The following TMEM117 variants were observed in gnomAD, a reference collection of about 807,000 sequenced individuals.
TMEM117 encodes transmembrane protein 117.
TMEM117 carries 27 observed loss-of-function variants against 52.4 expected under a neutral mutation model. The ratio of observed to expected loss-of-function variants is 0.51; its 90% CI spans 0.38 to 0.71. TMEM117 has a LOEUF of 0.71. TMEM117 is among the 30% of genes least tolerant of loss of function. The pLI, the probability that TMEM117 is intolerant of heterozygous loss-of-function variation, is 0.00. For synonymous variants in TMEM117, 215 were observed against 206.3 expected (o/e 1.04, Z -0.36); for missense variants, 556 against 630.5 (o/e 0.88, Z 1.26).
intron 2 of TMEM117, among the ~76,000 whole-genome samples, chr12:43,882,928 C>T (rs1433374454): frequency 1.3e-5 from 2 of 152,176 alleles, no homozygotes; most frequent in Non-Finnish European, 2.9e-5. Context: ...AAGCTCATCT[C>T]AGTTCTGGGA....
intron 3 of TMEM117, among the ~76,000 whole-genome samples, chr12:43,983,308 T>A (rs995202117): frequency 1.1e-4 from 17 of 152,130 alleles, no homozygotes; most frequent in African/African-American, 2.2e-4. Flanking sequence ...ATTCTTAAAC[T>A]TCTGTTTGTG....
At chr12:44,022,380 C>T (rs1354404736) in intron 3 of TMEM117, among the ~76,000 whole-genome samples, 1 of 152,110 alleles carries the variant, frequency 6.6e-6, no homozygotes, top group Non-Finnish European at 1.5e-5. Flanking sequence ...AAATTCTGGC[C>T]TCATGACTTG....
At chr12:44,330,545 CA>C (rs1951255848) in intron 6 of TMEM117, among the ~76,000 whole-genome samples, 1 of 151,994 alleles carries the variant, frequency 6.6e-6, no homozygotes, top group African/African-American at 2.4e-5. Context: ...AGATATTTTA[CA>C]TTTTTTTCAT....
intron 1 of TMEM117, among the ~76,000 whole-genome samples, chr12:43,841,682 G>A (rs1943118188): frequency 6.6e-6 from 1 of 152,220 alleles, no homozygotes; most frequent in African/African-American, 2.4e-5. Context: ...AAGATTATAT[G>A]TATTGGAATT....
At chr12:44,252,539 C>G (rs764917934) in intron 5 of TMEM117, among the ~76,000 whole-genome samples, 19 of 152,068 alleles carry the variant, frequency 1.2e-4, no homozygotes, top group Admixed American at 3.3e-4. Context: ...AAACAAAAAG[C>G]AAAGATTCAG....
chr12:43,928,734 TCCCTCCC>T (rs1944822997), intron 2 of TMEM117, among the ~76,000 whole-genome samples: 1 of 115,644 alleles, frequency 8.6e-6, no homozygotes, highest in Admixed American at 9.6e-5. Flanking sequence ...CCCAATGCTA[TCCCTCCC>T]CCCTCCCCCC....
chr12:43,896,346 C>A (rs1944201803), intron 2 of TMEM117, among the ~76,000 whole-genome samples: 1 of 152,234 alleles, frequency 6.6e-6, no homozygotes, highest in South Asian at 2.1e-4. Context: ...TTATTAAAAT[C>A]TTAGTCATTT....
intron 5 of TMEM117, among the ~76,000 whole-genome samples, chr12:44,235,806 A>G (rs1165517630): frequency 1.3e-5 from 2 of 151,878 alleles, no homozygotes; most frequent in East Asian, 3.9e-4. Flanking sequence ...TTAATCTTAT[A>G]GTCTATAGTC....
chr12:44,126,165 A>G (rs1276693983), intron 3 of TMEM117, among the ~76,000 whole-genome samples: 1 of 152,070 alleles, frequency 6.6e-6, no homozygotes, highest in Non-Finnish European at 1.5e-5. Flanking sequence ...CCAATCCACC[A>G]TTAATGGGCA....
chr12:44,028,187 C>T lies in TMEM117; in HGVS notation c.410+83845C>T, dbSNP rs938943462. ...CAGCCTGGGTGACAGAGCGAGACTC[C>T]GTCTCAAAAACAAAAAGCTGTTTGA... On this transcript the variant is annotated intron_variant, in intron 3 of 7. Coordinates refer to ENST00000266534, the MANE Select transcript of TMEM117 (RefSeq NM_032256.3). Among the ~76,000 whole-genome samples the T allele has an allele frequency of 5.9e-5, 9 of 152,006 alleles. No homozygotes were observed. In the South Asian group the frequency reaches 1.0e-3, roughly 18 times the overall value.
intron 2 of TMEM117, among the ~76,000 whole-genome samples, chr12:43,864,543 C>T: frequency 6.6e-6 from 1 of 152,174 alleles, no homozygotes; most frequent in South Asian, 2.1e-4. Context: ...GTAAATACAC[C>T]AATCAGCACT....
chr12:44,388,579 C>G lies in TMEM117; in HGVS notation c.1452C>G (p.Thr484=). 1 of 1,613,494 alleles carries G rather than the reference C, an allele frequency of 6.2e-7. No individual in the cohort carries two copies. Among genetic ancestry groups the G allele is most frequent in the South Asian group, 1.1e-5 (1 of 91,072 alleles). ...NEIVYKSSHL[T]SENLSSQLNE... Reference sequence around the variant, plus strand: ...TCGTCTACAAGTCTTCCCACCTAACCTCGGAAAACTTGAGCTCACAGTTGA... The same window carrying G: ...TCGTCTACAAGTCTTCCCACCTAACGTCGGAAAACTTGAGCTCACAGTTGA... The change falls in exon 8 of 8, where the codon ACC becomes ACG. Residue 484 remains threonine, a synonymous_variant. Transcript: ENST00000266534.
intron 7 of TMEM117, among the ~76,000 whole-genome samples, chr12:44,387,349 A>T (rs1361499845): frequency 6.6e-6 from 1 of 151,830 alleles, no homozygotes; most frequent in Non-Finnish European, 1.5e-5. Context: ...TTAAATATTA[A>T]AAAAAGAAAT....
At chr12:44,222,944 A>G (rs1452457910) in intron 5 of TMEM117, among the ~76,000 whole-genome samples, 1 of 152,126 alleles carries the variant, frequency 6.6e-6, no homozygotes, top group African/African-American at 2.4e-5. Flanking sequence ...AGATCCAGGA[A>G]GGTGTTGAAA....
chr12:43,800,758 T>C, the TMEM117 span, among the ~76,000 whole-genome samples: 1 of 152,198 alleles, frequency 6.6e-6, no homozygotes, highest in South Asian at 2.1e-4. Flanking sequence ...TGTCACTTTT[T>C]TTGTTTTTTG....
At chr12:43,975,462 G>A (rs1048325533) in intron 3 of TMEM117, among the ~76,000 whole-genome samples, 7 of 152,180 alleles carry the variant, frequency 4.6e-5, no homozygotes, top group Non-Finnish European at 1.5e-5. Flanking sequence ...TTTATTTAAT[G>A]CTCATGACAG....
intron 2 of TMEM117, among the ~76,000 whole-genome samples, chr12:43,864,829 G>A (rs1353813335): frequency 6.6e-6 from 1 of 152,158 alleles, no homozygotes; most frequent in African/African-American, 2.4e-5. Flanking sequence ...TTCTTTTGCT[G>A]TTTGCAATAA....
At position 44,016,712 on chromosome 12, in the gene TMEM117, AG is replaced by A. The variant is rs144189944; in HGVS notation, c.410+72372del. On this transcript the variant is annotated intron_variant, in intron 3 of 7. Transcript: ENST00000266534. ...ATCTTTTACGAGCTAATGGGAATGT[AG>A]GCAGAGGTCAATGGTGAACAGAGTG... 2.4e-3 allele frequency among the ~76,000 whole-genome samples: 368 copies of A among 152,298 alleles called. 4 individuals are homozygous for A. The highest frequency in any genetic ancestry group is 8.1e-3 in the African/African-American group (337 of 41,548).
intron 6 of TMEM117, among the ~76,000 whole-genome samples, chr12:44,304,681 A>G (rs942215144): frequency 6.6e-6 from 1 of 152,194 alleles, no homozygotes; most frequent in African/African-American, 2.4e-5. Context: ...CCCCTATTTC[A>G]GGTTCTACCT....
Sources: allele counts gnomAD v4.1 joint callset (sites outside exome capture counted in the v4.1 genomes callset), GRCh38; gene constraint gnomAD v4.1.1; transcripts MANE v1.5; gene names NCBI Gene and HGNC (gene_info 2026-07-23, HGNC 2026-07-21).